The following COL11A1 variants were observed in gnomAD, a reference collection of about 807,000 sequenced individuals.
COL11A1 encodes collagen alpha-1(XI) chain.
Under a neutral mutation model 265.2 loss-of-function variants are expected in COL11A1, and 74 were observed. That is an observed-to-expected ratio of 0.28 (90% CI 0.23 to 0.34). The LOEUF (loss-of-function observed/expected upper bound fraction) is 0.34. COL11A1 is among the 10% of genes least tolerant of loss of function. COL11A1 has a pLI of 1.00. For missense variants in COL11A1, 2,165 were observed against 2,263.6 expected (o/e 0.96, Z 0.88); for synonymous variants, 816 against 727.6 (o/e 1.12, Z -1.96).
intron 4 of COL11A1, among the ~76,000 whole-genome samples, chr1:103,067,691 G>A (rs542639128): frequency 6.6e-6 from 1 of 151,662 alleles, no homozygotes; most frequent in Admixed American, 6.6e-5. Context: ...ATCAACAAAA[G>A]TTTCAAGTAC....
chr1:103,004,219 A>C (rs147425743), intron 20 of COL11A1, among the ~76,000 whole-genome samples: 8 of 152,270 alleles, frequency 5.3e-5, no homozygotes, highest in African/African-American at 1.9e-4. Context: ...TTTTGGCTGG[A>C]AATGTTACAT....
chr1:102,904,477 T>C (rs1401264502), intron 54 of COL11A1, among the ~76,000 whole-genome samples: 2 of 152,060 alleles, frequency 1.3e-5, no homozygotes, highest in Non-Finnish European at 2.9e-5. Context: ...CCTACTTATC[T>C]GACAAAGGGC....
chr1:103,011,497 T>C (rs572175828), intron 14 of COL11A1, among the ~76,000 whole-genome samples: 5 of 152,060 alleles, frequency 3.3e-5, no homozygotes, highest in African/African-American at 1.2e-4. Flanking sequence ...AATATAAATA[T>C]AAGGAAATCT....
intron 37 of COL11A1, among the ~76,000 whole-genome samples, chr1:102,968,714 C>T (rs966014213): frequency 8.6e-5 from 13 of 152,030 alleles, no homozygotes; most frequent in South Asian, 2.1e-4. Flanking sequence ...GATGTGAAAT[C>T]GGGAATATAA....
At position 102,877,615 on chromosome 1, in the gene COL11A1, C is replaced by G. The variant is rs1249459159; in HGVS notation, c.*404G>C. ...AAGTTTTGGAAATGGACACAGATAA[C>G]AGTATAGAACTGTACACAAAATAAT... On this transcript the variant is annotated 3_prime_UTR_variant, in exon 67 of 67. Coordinates refer to ENST00000370096, the MANE Select transcript of COL11A1 (RefSeq NM_001854.4). 3 of 155,306 alleles carry G rather than the reference C, an allele frequency of 1.9e-5. No homozygotes were observed. In the East Asian group the frequency reaches 5.6e-4, roughly 29 times the overall value. The allele number at this position is 155,306 out of a possible 1,614,324, so 9.6% of individuals were successfully genotyped here. A position where few individuals can be genotyped will look rare whatever the true frequency, so the allele number is the denominator to read the frequency against.
At chr1:103,094,782 T>C (rs1673610135) in intron 1 of COL11A1, among the ~76,000 whole-genome samples, 1 of 152,144 alleles carries the variant, frequency 6.6e-6, no homozygotes, top group African/African-American at 2.4e-5. Flanking sequence ...ATCAACTGTT[T>C]ATTTTGTCAA....
Position 102,970,267 on chromosome 1 carries a change from T to A in COL11A1, c.2814A>T (p.Pro938=), listed in dbSNP as rs756359136. The part of the protein sequence containing the change: ...GFPGPKGPPG[P]PGKDGLPGHP... The stretch of plus-strand genomic sequence containing the variant: ...GTCCTGGCAGCCCATCCTTCCCAGG[T>A]GGTCCCTGAAATTACAAATATTAAA... The change falls in exon 37 of 67, where the codon CCA becomes CCT. Residue 938 remains proline, a synonymous_variant. Transcript: ENST00000370096. 1 of 1,611,230 alleles carries A rather than the reference T, an allele frequency of 6.2e-7. No individual in the cohort carries two copies. The highest frequency in any genetic ancestry group is 8.5e-7 in the Non-Finnish European group (1 of 1,178,076).
chr1:102,926,870 A>G (rs965950131), intron 46 of COL11A1, among the ~76,000 whole-genome samples: 19 of 152,172 alleles, frequency 1.2e-4, no homozygotes, highest in African/African-American at 4.3e-4. Context: ...ACATATTGAT[A>G]TGTGGTACTT....
intron 24 of COL11A1, chr1:103,001,651 T>G: frequency 2.1e-6 from 1 of 473,028 alleles, no homozygotes; most frequent in Admixed American, 3.7e-5. Context: ...AGAGAAAATA[T>G]TCACTCATAC....
rs1670228491 is a variant in COL11A1 at position 103,056,129 on chromosome 1, G to A, written c.651+18489C>T. On this transcript the variant is annotated intron_variant, in intron 4 of 66. Transcript: ENST00000370096. ...AAGGGTGGAATCCAGTAGCTGAGCAGAACAACTGTTGTCTGCCTAAAACTT... is the reference window on the plus strand; with the variant it reads ...AAGGGTGGAATCCAGTAGCTGAGCAAAACAACTGTTGTCTGCCTAAAACTT... 3.9e-5 allele frequency among the ~76,000 whole-genome samples: 6 copies of A among 152,264 alleles called. No homozygotes were observed. The South Asian group carries it at 1.0e-3, about 26-fold the overall frequency.
At chr1:103,088,072 C>T (rs1673018813) in intron 1 of COL11A1, among the ~76,000 whole-genome samples, 1 of 152,136 alleles carries the variant, frequency 6.6e-6, no homozygotes, top group Non-Finnish European at 1.5e-5. Context: ...GTCTTTGATC[C>T]TTTCTCCCTT....
At chr1:102,931,792 T>C (rs571968558) in intron 46 of COL11A1, among the ~76,000 whole-genome samples, 1 of 152,030 alleles carries the variant, frequency 6.6e-6, no homozygotes, top group African/African-American at 2.4e-5. Flanking sequence ...TGGGTGCATA[T>C]ATATTTAGGA....
chr1:103,090,242 C>A (rs986106727), intron 1 of COL11A1, among the ~76,000 whole-genome samples: 5 of 152,056 alleles, frequency 3.3e-5, no homozygotes, highest in Non-Finnish European at 5.9e-5. Context: ...TCAACCCATA[C>A]CTCACATCAC....
chr1:102,965,821 A>G (rs1661349822), intron 37 of COL11A1, among the ~76,000 whole-genome samples: 1 of 152,168 alleles, frequency 6.6e-6, no homozygotes, highest in Non-Finnish European at 1.5e-5. Context: ...ACTAGGTCAA[A>G]CAACATACAG....
chr1:102,923,410 A>T, intron 46 of COL11A1, 21 bp from the exon 47 acceptor site: 4 of 1,567,062 alleles, frequency 2.6e-6, no homozygotes, highest in Non-Finnish European at 2.6e-6. Flanking sequence ...ATAATAGAAA[A>T]ATAATAAAAG....
intron 11 of COL11A1, 74 bp from the exon 12 acceptor site, chr1:103,015,816 A>C: frequency 9.1e-7 from 1 of 1,103,528 alleles, no homozygotes; most frequent in Non-Finnish European, 1.3e-6. Flanking sequence ...ATAACTTATA[A>C]CGTAAGTCTA....
At chr1:103,018,764 T>C in intron 10 of COL11A1, 54 bp downstream of exon 10, 4 of 1,323,342 alleles carry the variant, frequency 3.0e-6, no homozygotes, top group Non-Finnish European at 2.2e-6. Flanking sequence ...TTAATAGAAA[T>C]CTTATATATG....
At chr1:102,925,983 GT>G (rs530905703) in intron 46 of COL11A1, among the ~76,000 whole-genome samples, 15 of 151,790 alleles carry the variant, frequency 9.9e-5, no homozygotes, top group South Asian at 6.2e-4. Context: ...TTAATTCACA[GT>G]TTTTTTATTA....
intron 57 of COL11A1, among the ~76,000 whole-genome samples, chr1:102,892,596 T>G (rs1651904997): frequency 6.6e-6 from 1 of 152,184 alleles, no homozygotes; most frequent in Non-Finnish European, 1.5e-5. Flanking sequence ...AGCTGCTGCA[T>G]GAATGAGGAT....
Sources: gnomAD v4.1 joint callset for allele counts (sites outside exome capture counted in the v4.1 genomes callset) on GRCh38, gnomAD v4.1.1 for gene constraint, MANE v1.5 for transcripts, NCBI Gene and HGNC (gene_info 2026-07-23, HGNC 2026-07-21) for gene names.